MACF1: variants seen among roughly 807,000 people sequenced by gnomAD.
MACF1 encodes the protein microtubule-actin cross-linking factor 1.
Under a neutral mutation model 854.8 loss-of-function variants are expected in MACF1, and 193 were observed. The observed-to-expected ratio is 0.23, with a 90% CI of 0.20 to 0.25. The LOEUF is 0.25. Ranked by LOEUF, MACF1 falls within the 10% of genes least tolerant of loss-of-function variation. The pLI is 1.00. For missense variants in MACF1, 7,722 were observed against 8,929.1 expected, an observed-to-expected ratio of 0.86 and a Z score of 5.45; for synonymous variants, 3,185 against 3,226.7, an observed-to-expected ratio of 0.99 and a Z score of 0.44.
At position 39,303,008 on chromosome 1, in the gene MACF1, G is replaced by A. The variant is rs561916108; in HGVS notation, c.2719G>A (p.Glu907Lys). Residue 907 changes from glutamate to lysine, a missense_variant, in exon 23 of 101, where the codon GAG (glutamate) becomes AAG (lysine). Coordinates refer to ENST00000564288, the MANE Select transcript of MACF1 (RefSeq NM_001394062.1). ...KWKVISPTGN[E>K]AMVPSVCFLI... ...GAAAGTGATCAGCCCCACAGGGAAC[G>A]AGGCAATGGTGCCGTCAGTCTGCTT... The A allele has an allele frequency of 1.2e-6, 2 of 1,614,178 alleles. No individual in the cohort carries two copies. The highest frequency in any genetic ancestry group is 1.1e-5 in the South Asian group (1 of 91,086).
intron 2 of MACF1, among the ~76,000 whole-genome samples, chr1:39,151,637 G>C (rs935750619): frequency 6.6e-6 from 1 of 152,088 alleles, no homozygotes; most frequent in Admixed American, 6.6e-5. Context: ...TTAATTCTCT[G>C]TGGCCCTGAG....
At position 39,336,303 on chromosome 1, in the gene MACF1, T is replaced by A; in HGVS notation, c.9715T>A (p.Phe3239Ile). The A allele has an allele frequency of 6.2e-7, 1 of 1,614,098 alleles. No homozygotes were observed. Among genetic ancestry groups the A allele is most frequent in the Non-Finnish European group, 8.5e-7 (1 of 1,180,014 alleles). The change falls in exon 37 of 101, where the codon TTT becomes ATT. Residue 3239 changes from phenylalanine (F) to isoleucine (I), a missense_variant. Phe to Ile is a conservative substitution (Grantham distance 21, BLOSUM62 0). Around this residue, in one of 15 missense-constraint regions of MACF1, gnomAD observed 854 missense variants for 852.6 expected, o/e 1.00. Coordinates refer to ENST00000564288, the MANE Select transcript of MACF1 (RefSeq NM_001394062.1). The part of the protein sequence containing the change: ...IATQELTGEK[F>I]LEMANPNVAG... ...AACACAGGAACTAACTGGAGAGAAA[T>A]TTCTAGAAATGGCAAACCCTAATGT...
rs1646012292 is a variant in MACF1, at chr1:39,300,276, A to G, written c.2548A>G (p.Ile850Val). 2.5e-6 allele frequency: 4 copies of G among 1,614,032 alleles called. No homozygotes were observed. In the South Asian group the frequency reaches 3.3e-5, roughly 13 times the overall value. The change falls in exon 22 of 101, where the codon ATC (isoleucine) becomes GTC (valine). Residue 850 changes from isoleucine to valine, a missense_variant. Ile to Val is a conservative substitution (Grantham distance 29). This residue lies in a region of MACF1 where 1,137 missense variants were observed against 1,263.0 expected (regional missense o/e 0.90). Coordinates refer to ENST00000564288, the MANE Select transcript of MACF1 (RefSeq NM_001394062.1). ...CAGTCTCGTTGGGAGATCAAAAACC[A>G]TCGTTCAGCTAAAACCACGCAGTCC... ...VASLVGRSKTIVQLKPRSPDH... is the reference protein window; with the variant it reads ...VASLVGRSKTVVQLKPRSPDH...
At chr1:39,363,770 G>A (rs1237797555) in intron 49 of MACF1, among the ~76,000 whole-genome samples, 2 of 151,946 alleles carry the variant, frequency 1.3e-5, no homozygotes, top group Admixed American at 6.6e-5. Context: ...CTGCCACGAT[G>A]CCTGGGTAGT....
chr1:39,296,772 A>AAGGAAGGAAAAG (rs1553227629), intron 20 of MACF1, among the ~76,000 whole-genome samples: 1 of 58,180 alleles, frequency 1.7e-5, no homozygotes, highest in African/African-American at 7.0e-5. Context: ...GGAAGGAAGG[A>AAGGAAGGAAAAG]AAAGAAAGAA....
At chr1:39,459,310 C>A in intron 91 of MACF1, 61 bp downstream of exon 91, 2 of 1,503,926 alleles carry the variant, frequency 1.3e-6, no homozygotes, top group Non-Finnish European at 9.0e-7. Context: ...AAAACACAGC[C>A]CTTCTGAGGC....
At chr1:39,441,878 T>C in intron 74 of MACF1, 74 bp from the exon 75 acceptor site, 2 of 1,087,594 alleles carry the variant, frequency 1.8e-6, no homozygotes, top group Non-Finnish European at 2.8e-6. Flanking sequence ...TCTTCTTATG[T>C]TAGCAGAGAT....
At chr1:39,307,501 C>T (rs1213802848) in intron 23 of MACF1, among the ~76,000 whole-genome samples, 2 of 152,110 alleles carry the variant, frequency 1.3e-5, no homozygotes, top group African/African-American at 4.8e-5. Context: ...AGTCTTTTTG[C>T]ATTCATTATG....
chr1:39,138,443 G>A (rs1167655234), intron 2 of MACF1, among the ~76,000 whole-genome samples: 1 of 151,530 alleles, frequency 6.6e-6, no homozygotes, highest in Non-Finnish European at 1.5e-5. Flanking sequence ...AAATTAGCCG[G>A]GCATGGTGGC....
chr1:39,297,865 CT>C, intron 21 of MACF1, 120 bp downstream of exon 21: 1 of 1,209,064 alleles, frequency 8.3e-7, no homozygotes, highest in Non-Finnish European at 1.1e-6. Flanking sequence ...TAAAGTTTGG[CT>C]TACATTCAAA....
At chr1:39,102,774 A>G in intron 2 of MACF1, 1 of 702,606 alleles carries the variant, frequency 1.4e-6, no homozygotes, top group Non-Finnish European at 2.6e-6. Context: ...AGTCTCACCC[A>G]TCAGGAGCAA....
intron 2 of MACF1, among the ~76,000 whole-genome samples, chr1:39,196,815 A>C (rs1417852262): frequency 6.6e-6 from 1 of 152,208 alleles, no homozygotes; most frequent in African/African-American, 2.4e-5. Context: ...TTTTGCTTGC[A>C]AACATTAAAG....
At chr1:39,465,137 C>T (rs768074403) in intron 95 of MACF1, 25 bp downstream of exon 95, 3 of 1,608,038 alleles carry the variant, frequency 1.9e-6, no homozygotes, top group Admixed American at 3.3e-5. Flanking sequence ...GCAATGTTCT[C>T]CTTCTCAATG....
intron 84 of MACF1, among the ~76,000 whole-genome samples, 189 bp from the exon 85 acceptor site, chr1:39,450,863 G>A (rs1051736883): frequency 4.6e-5 from 7 of 151,838 alleles, no homozygotes; most frequent in Admixed American, 1.3e-4. Context: ...TGCCCACCTC[G>A]GCCTCCCAAA....
chr1:39,197,096 C>G (rs1644329551), intron 2 of MACF1, among the ~76,000 whole-genome samples: 1 of 152,174 alleles, frequency 6.6e-6, no homozygotes, highest in South Asian at 2.1e-4. Context: ...TCACTCCCTC[C>G]TGCCAGCCTC....
At chr1:39,442,378 A>G in intron 76 of MACF1, 34 bp from the exon 77 acceptor site, 4 of 1,607,896 alleles carry the variant, frequency 2.5e-6, no homozygotes, top group East Asian at 4.5e-5. Context: ...CTAATTTCGT[A>G]TTGAATATTC....
At chr1:39,379,142 G>A in intron 53 of MACF1, 61 bp from the exon 54 acceptor site, 2 of 1,479,168 alleles carry the variant, frequency 1.4e-6, no homozygotes, top group Non-Finnish European at 1.8e-6. Flanking sequence ...TTAGGAGTGA[G>A]GAGTCAAGGA....
chr1:39,201,752 A>G (rs963145083), upstream of MACF1, among the ~76,000 whole-genome samples: 4 of 152,190 alleles, frequency 2.6e-5, no homozygotes, highest in South Asian at 6.2e-4. Context: ...AAGGCTTTAC[A>G]ATGATCTGTA....
At chr1:39,261,573 A>G (rs1330756858) in intron 6 of MACF1, among the ~76,000 whole-genome samples, 1 of 152,188 alleles carries the variant, frequency 6.6e-6, no homozygotes, top group African/African-American at 2.4e-5. Flanking sequence ...GGTCTTTTGT[A>G]TCTGGCTTTT....
Sources: allele counts gnomAD v4.1 joint callset (sites outside exome capture counted in the v4.1 genomes callset), GRCh38; gene constraint gnomAD v4.1.1; regional missense constraint gnomAD v4.1.1; transcripts MANE v1.5; gene names NCBI Gene and HGNC (gene_info 2026-07-23, HGNC 2026-07-21).